Variants in FOXP2 observed in about 807,000 individuals in gnomAD.
FOXP2 encodes forkhead box P2.
In FOXP2, 12 loss-of-function variants were observed where a neutral mutation model predicts 115.8. That is an observed-to-expected ratio of 0.10 (90% CI 0.07 to 0.17). The LOEUF (loss-of-function observed/expected upper bound fraction) is 0.17. Among genes scored for constraint, FOXP2 ranks in the 10% least tolerant of loss-of-function variants. FOXP2 has a pLI of 1.00. For missense variants in FOXP2, 629 were observed against 843.5 expected (o/e 0.75, Z 3.15); for synonymous variants, 328 against 297.7 (o/e 1.10, Z -1.05).
chr7:114,343,590 AC>A (rs1310807222), intron 2 of FOXP2, among the ~76,000 whole-genome samples: 1 of 151,672 alleles, frequency 6.6e-6, no homozygotes, highest in East Asian at 1.9e-4. Context: ...GTTTTTTAAA[AC>A]TATCAGTTAA....
At chr7:114,399,731 A>G (rs1792832196) in intron 2 of FOXP2, among the ~76,000 whole-genome samples, 1 of 152,208 alleles carries the variant, frequency 6.6e-6, no homozygotes, top group Non-Finnish European at 1.5e-5. Flanking sequence ...AATTAAATAA[A>G]TAAATAATAC....
intron 1 of FOXP2, among the ~76,000 whole-genome samples, chr7:114,216,924 A>G (rs919518785): frequency 6.6e-6 from 1 of 152,202 alleles, no homozygotes; most frequent in East Asian, 1.9e-4. Context: ...AGTTTAAAAT[A>G]TAATAACAAT....
chr7:114,294,566 T>C (rs1412186803), intron 2 of FOXP2, among the ~76,000 whole-genome samples: 2 of 152,118 alleles, frequency 1.3e-5, no homozygotes, highest in East Asian at 3.9e-4. Flanking sequence ...CTCAGCTGGG[T>C]GTGGTGGCTT....
At chr7:114,165,390 A>C (rs1213601032) in intron 1 of FOXP2, among the ~76,000 whole-genome samples, 1 of 152,204 alleles carries the variant, frequency 6.6e-6, no homozygotes, top group Non-Finnish European at 1.5e-5. Context: ...CCATATAATC[A>C]ATAACAACAT....
At chr7:114,566,064 TACATTGTCCCTG>T in intron 3 of FOXP2, among the ~76,000 whole-genome samples, 1 of 152,258 alleles carries the variant, frequency 6.6e-6, no homozygotes, top group East Asian at 1.9e-4. Context: ...ACCCAATAGC[TACATTGTCCCTG>T]GGACAGTTTC....
chr7:114,196,809 C>T lies in FOXP2; in HGVS notation c.-102+33721C>T, dbSNP rs541671812. On this transcript the variant is annotated intron_variant, in intron 1 of 17. Transcript: ENST00000634411. ...GTTCCCCTTATTTACATTTAAAGACCTTCCCATTTGATTGTACAATCTTAC... is the reference window on the plus strand; with the variant it reads ...GTTCCCCTTATTTACATTTAAAGACTTTCCCATTTGATTGTACAATCTTAC... 6.6e-5 allele frequency among the ~76,000 whole-genome samples: 10 copies of T among 152,244 alleles called. No homozygotes were observed. The South Asian group carries it at 1.5e-3, about 22-fold the overall frequency.
intron 2 of FOXP2, among the ~76,000 whole-genome samples, chr7:114,492,973 C>T (rs1189152862): frequency 6.6e-6 from 1 of 152,066 alleles, no homozygotes; most frequent in African/African-American, 2.4e-5. Flanking sequence ...TCTTTGTTAA[C>T]TTTCTGTCTT....
chr7:114,559,802 T>A (rs901047059), intron 3 of FOXP2, among the ~76,000 whole-genome samples: 3 of 150,886 alleles, frequency 2.0e-5, no homozygotes, highest in African/African-American at 7.3e-5. Context: ...GTCAGGAGAA[T>A]GGCGTGAACC....
Position 114,284,940 on chromosome 7 carries a change from T to C in FOXP2, c.-101-3079T>C, listed in dbSNP as rs551989182. ...ACTAATGCAGGAACAGAAAAGCAAA[T>C]ACTGCATACTTACACTTACGAATGG... On this transcript the variant is annotated intron_variant, in intron 1 of 17. Transcript: ENST00000634411. 2.0e-5 allele frequency among the ~76,000 whole-genome samples: 3 copies of C among 152,162 alleles called. No individual in the cohort carries two copies. In the South Asian group the frequency reaches 6.2e-4, roughly 32 times the overall value.
chr7:114,614,779 A>G (rs1405359207), intron 3 of FOXP2, among the ~76,000 whole-genome samples: 1 of 152,236 alleles, frequency 6.6e-6, no homozygotes, highest in East Asian at 1.9e-4. Flanking sequence ...TAAAATATGT[A>G]GGAATAATCT....
At chr7:114,330,368 C>G (rs1797672326) in intron 2 of FOXP2, among the ~76,000 whole-genome samples, 1 of 151,334 alleles carries the variant, frequency 6.6e-6, no homozygotes, top group Non-Finnish European at 1.5e-5. Context: ...TACGGTGGCT[C>G]ACGCCTATAA....
At chr7:114,411,950 T>A (rs1480839318), upstream of FOXP2, among the ~76,000 whole-genome samples, 1 of 152,172 alleles carries the variant, frequency 6.6e-6, no homozygotes, top group Non-Finnish European at 1.5e-5. Context: ...TTGAAATAGA[T>A]TTTAATACAG....
At chr7:114,294,075 A>G (rs1181429461) in intron 2 of FOXP2, among the ~76,000 whole-genome samples, 1 of 152,210 alleles carries the variant, frequency 6.6e-6, no homozygotes, top group Non-Finnish European at 1.5e-5. Flanking sequence ...CATATGTAAT[A>G]GAAGAGATAG....
intron 2 of FOXP2, among the ~76,000 whole-genome samples, chr7:114,341,579 C>T (rs1791218738): frequency 6.6e-6 from 1 of 151,130 alleles, no homozygotes; most frequent in Non-Finnish European, 1.5e-5. Flanking sequence ...AAACAAATGC[C>T]AGTAGGTGTT....
chr7:114,260,854 AT>A (rs755398546), intron 1 of FOXP2, among the ~76,000 whole-genome samples: 3 of 152,082 alleles, frequency 2.0e-5, no homozygotes, highest in African/African-American at 2.4e-5. Flanking sequence ...TAAAAAAAAA[AT>A]ATTCCCAGGC....
chr7:114,269,571 G>A (rs930553987), intron 1 of FOXP2, among the ~76,000 whole-genome samples: 1 of 152,076 alleles, frequency 6.6e-6, no homozygotes, highest in African/African-American at 2.4e-5. Flanking sequence ...GATTAGAAGC[G>A]TGAGCCACTG....
chr7:114,152,538 G>A (rs1792554095), intron 1 of FOXP2, among the ~76,000 whole-genome samples: 1 of 151,318 alleles, frequency 6.6e-6, no homozygotes, highest in South Asian at 2.1e-4. Context: ...ATGCAAATCT[G>A]TTGTTTTGTC....
At chr7:114,584,661 GC>G (rs1044446215) in intron 3 of FOXP2, among the ~76,000 whole-genome samples, 2 of 151,968 alleles carry the variant, frequency 1.3e-5, no homozygotes, top group African/African-American at 4.8e-5. Context: ...TATTCACTCT[GC>G]CCTGAATATG....
chr7:114,595,197 TG>T (rs1802633099), intron 3 of FOXP2, among the ~76,000 whole-genome samples: 1 of 152,056 alleles, frequency 6.6e-6, no homozygotes, highest in Non-Finnish European at 1.5e-5. Context: ...AATCCTATGC[TG>T]TTTTAATTTC....
Sources: gnomAD v4.1 joint callset for allele counts (sites outside exome capture counted in the v4.1 genomes callset) on GRCh38, gnomAD v4.1.1 for gene constraint, MANE v1.5 for transcripts, NCBI Gene and HGNC (gene_info 2026-07-23, HGNC 2026-07-21) for gene names.